Variants in GRM1 observed in about 807,000 individuals in gnomAD.
The protein encoded by GRM1 is glutamate metabotropic receptor 1.
A neutral mutation model predicts 90.9 loss-of-function variants in GRM1; 33 were observed. That is an observed-to-expected ratio of 0.36 (90% confidence interval 0.28 to 0.49). GRM1 has a LOEUF of 0.49. GRM1 is among the 20% of genes least tolerant of loss of function. The pLI, the probability that GRM1 is intolerant of heterozygous loss-of-function variation, is 0.99. For synonymous variants in GRM1, 700 were observed against 613.2 expected, an observed-to-expected ratio of 1.14 and a Z score of -2.09; for missense variants, 1,190 against 1,534.3, an observed-to-expected ratio of 0.78 and a Z score of 3.75.
chr6:146,132,285 TG>T (rs141224118), intron 1 of GRM1, among the ~76,000 whole-genome samples: 167 of 151,454 alleles, frequency 1.1e-3, no homozygotes, highest in East Asian at 5.0e-3. Flanking sequence ...GTGGATGTGG[TG>T]GGGGGGGACC....
intron 2 of GRM1, among the ~76,000 whole-genome samples, chr6:146,218,355 T>G (rs1218687203): frequency 6.6e-6 from 1 of 152,200 alleles, no homozygotes; most frequent in Non-Finnish European, 1.5e-5. Context: ...GAACTCTTTT[T>G]ATGTGTATGT....
At chr6:146,063,526 A>G (rs1279429052) in intron 1 of GRM1, among the ~76,000 whole-genome samples, 1 of 152,122 alleles carries the variant, frequency 6.6e-6, no homozygotes, top group Non-Finnish European at 1.5e-5. Flanking sequence ...TTGGGAAGGG[A>G]GATTTCTTAC....
At chr6:146,332,825 A>G (rs971333528) in intron 3 of GRM1, among the ~76,000 whole-genome samples, 1 of 152,122 alleles carries the variant, frequency 6.6e-6, no homozygotes, top group African/African-American at 2.4e-5. Flanking sequence ...TTTCAATTCC[A>G]TGAGCTTGGC....
At chr6:146,286,655 A>G (rs1245528214) in intron 2 of GRM1, among the ~76,000 whole-genome samples, 4 of 152,244 alleles carry the variant, frequency 2.6e-5, no homozygotes, top group Non-Finnish European at 5.9e-5. Flanking sequence ...ATGTTTAGAT[A>G]TAAGGAAATA....
At chr6:146,225,285 A>G (rs756463386) in intron 2 of GRM1, among the ~76,000 whole-genome samples, 43 of 152,246 alleles carry the variant, frequency 2.8e-4, no homozygotes, top group African/African-American at 6.7e-4. Context: ...TAAGGAACGT[A>G]TCTTGAGTAA....
At chr6:146,122,819 T>G (rs1274172993) in intron 1 of GRM1, among the ~76,000 whole-genome samples, 1 of 149,824 alleles carries the variant, frequency 6.7e-6, no homozygotes, top group Non-Finnish European at 1.5e-5. Flanking sequence ...TTTTTTCTTT[T>G]TCTTTCTTTT....
intron 7 of GRM1, among the ~76,000 whole-genome samples, chr6:146,411,308 C>G (rs1777558319): frequency 6.6e-6 from 1 of 151,984 alleles, no homozygotes; most frequent in Non-Finnish European, 1.5e-5. Context: ...TTAGAGCAGT[C>G]AGGGAATCTG....
intron 2 of GRM1, among the ~76,000 whole-genome samples, chr6:146,270,632 T>G (rs1782081533): frequency 6.6e-6 from 1 of 152,196 alleles, no homozygotes; most frequent in Admixed American, 6.5e-5. Context: ...CTACTTTCTC[T>G]TTTGTGACAC....
At chr6:146,156,721 C>A (rs1318345001) in intron 1 of GRM1, among the ~76,000 whole-genome samples, 1 of 152,114 alleles carries the variant, frequency 6.6e-6, no homozygotes, top group Non-Finnish European at 1.5e-5. Context: ...TTTTAAATAA[C>A]CTGACCTAAG....
rs752545752 is a variant in GRM1, at chr6:146,398,953, C to T, written c.1914C>T (p.Ile638=). 1.9e-6 allele frequency: 3 copies of T among 1,614,142 alleles called. No individual in the cohort carries two copies. The highest frequency in any genetic ancestry group is 2.5e-6 in the Non-Finnish European group (3 of 1,180,004). The change falls in exon 7 of 8, where the codon ATC becomes ATT. Residue 638 remains isoleucine, a synonymous_variant. Coordinates refer to ENST00000282753, the MANE Select transcript of GRM1 (RefSeq NM_001278064.2). ...RELCYIILAG[I]FLGYVCPFTL... ...TCTGCTACATCATCCTAGCTGGCAT[C>T]TTCCTTGGTTATGTGTGCCCATTCA... is the stretch of plus-strand genomic sequence containing the variant.
intron 5 of GRM1, among the ~76,000 whole-genome samples, chr6:146,361,767 A>T (rs1370057833): frequency 1.3e-5 from 2 of 152,246 alleles, no homozygotes; most frequent in African/African-American, 4.8e-5. Context: ...GCTTGGAGCC[A>T]GCTCAAAGCT....
intron 6 of GRM1, among the ~76,000 whole-genome samples, chr6:146,397,481 AAAG>A (rs1193760563): frequency 0.021 from 2,768 of 132,126 alleles, 359 homozygotes; most frequent in East Asian, 0.099. Flanking sequence ...CTCAAAAAAA[AAAG>A]AAAAAAAAAA....
chr6:146,243,668 T>C (rs1360120952), intron 2 of GRM1, among the ~76,000 whole-genome samples: 1 of 151,934 alleles, frequency 6.6e-6, no homozygotes. Flanking sequence ...TGGGGTGAAA[T>C]TAAAAATGCT....
In GRM1 at chr6:146,134,732, C is replaced by T. The variant is rs9497454; in HGVS notation, c.701-24616C>T. Among the ~76,000 whole-genome samples the T allele has an allele frequency of 5.0e-3, 758 of 152,144 alleles. 20 individuals are homozygous for T. Among genetic ancestry groups the T allele is most frequent in the Admixed American group, 0.045 (689 of 15,300 alleles). ...GATCATGAGGTCAGAATATTGAGAC[C>T]ATCCTGACTACCACAGTGAAACCCC... On this transcript the variant is annotated intron_variant, in intron 1 of 7. Transcript: ENST00000282753.
At position 146,125,186 on chromosome 6, in the gene GRM1, T is replaced by A. The variant is rs543516973; in HGVS notation, c.701-34162T>A. ...TTTGCACGTTCTCTAAGAAAAAAAA[T>A]GGAGTAGACGAAAATATCTTTATCA... On this transcript the variant is annotated intron_variant, in intron 1 of 7. Transcript: ENST00000282753. 1.2e-4 allele frequency among the ~76,000 whole-genome samples: 19 copies of A among 152,204 alleles called. No homozygotes were observed. The South Asian group carries it at 3.7e-3, about 30-fold the overall frequency.
chr6:146,276,904 C>A (rs1030039789), intron 2 of GRM1, among the ~76,000 whole-genome samples: 1 of 152,002 alleles, frequency 6.6e-6, no homozygotes, highest in Admixed American at 6.6e-5. Context: ...AGCTCGAGAC[C>A]AGCCTGGTCA....
intron 6 of GRM1, among the ~76,000 whole-genome samples, chr6:146,391,143 G>A (rs1776703088): frequency 6.6e-6 from 1 of 151,874 alleles, no homozygotes; most frequent in Non-Finnish European, 1.5e-5. Context: ...TGACCTAATT[G>A]GAAAAAAGTC....
In GRM1 at chr6:146,030,234, G is replaced by T. The variant is rs751646213; in HGVS notation, c.700+17G>T. 2 of 1,539,436 alleles carry T rather than the reference G, an allele frequency of 1.3e-6. No individual in the cohort carries two copies. The highest frequency in any genetic ancestry group is 2.2e-5 in the South Asian group (2 of 89,568). On this transcript the variant is annotated intron_variant, in intron 1 of 7. Transcript: ENST00000282753. ...ACACGGAAGGTAGGCATTATATTTG[G>T]GAAAGAAGGGTACTGAGAAAGTCAG...
At chr6:146,150,411 A>T (rs1297737765) in intron 1 of GRM1, among the ~76,000 whole-genome samples, 3 of 152,114 alleles carry the variant, frequency 2.0e-5, no homozygotes, top group East Asian at 1.9e-4. Context: ...TTACTAATTT[A>T]AAAAAATTAT....
Sources: allele counts gnomAD v4.1 joint callset (sites outside exome capture counted in the v4.1 genomes callset), GRCh38; gene constraint gnomAD v4.1.1; transcripts MANE v1.5; gene names NCBI Gene and HGNC (gene_info 2026-07-23, HGNC 2026-07-21).